The following CUX1 variants were observed in gnomAD, a reference collection of about 807,000 sequenced individuals.
CUX1 encodes the protein protein CASP.
A neutral mutation model predicts 158.8 loss-of-function variants in CUX1; 31 were observed. The ratio of observed to expected loss-of-function variants is 0.20; its 90% CI spans 0.15 to 0.26. CUX1 has a LOEUF of 0.26. Among genes scored for constraint, CUX1 ranks in the 10% least tolerant of loss-of-function variants. The probability of loss-of-function intolerance (pLI) is 1.00; values close to 1 mark genes in which losing one functional copy is unlikely to be tolerated. For synonymous variants in CUX1, 879 were observed against 862.1 expected (o/e 1.02, Z -0.34); for missense variants, 1,589 against 2,014.6 (o/e 0.79, Z 4.04).
At chr7:102,269,114 G>A (rs1175401317) in intron 14 of CUX1, among the ~76,000 whole-genome samples, 1 of 70,522 alleles carries the variant, frequency 1.4e-5, no homozygotes, top group African/African-American at 7.1e-5. Context: ...TTTTGTGTGG[G>A]TTTTTTTGTT....
intron 3 of CUX1, among the ~76,000 whole-genome samples, chr7:102,053,355 A>G (rs1327904152): frequency 1.3e-5 from 2 of 152,180 alleles, no homozygotes; most frequent in East Asian, 3.8e-4. Context: ...AGCACATGAG[A>G]TGTTTTGATA....
intron 3 of CUX1, among the ~76,000 whole-genome samples, chr7:102,053,898 C>T (rs1390857462): frequency 6.6e-6 from 1 of 151,398 alleles, no homozygotes; most frequent in African/African-American, 2.4e-5. Flanking sequence ...CTGTGCCTCC[C>T]AGGTTTGAGC....
chr7:102,185,971 G>A lies in CUX1; in HGVS notation c.1018-3842G>A, dbSNP rs559423277. Among the ~76,000 whole-genome samples the A allele has an allele frequency of 1.4e-4, 22 of 152,272 alleles. No homozygotes were observed. The East Asian group carries it at 1.9e-3, about 13-fold the overall frequency. ...AGCGTATGAAATGCTAGGAATAAGC[G>A]CAGGTCTAGCATACCACGCGGCCAG... On this transcript the variant is annotated intron_variant, in intron 11 of 23. Transcript: ENST00000292535.
rs753731049 is a variant in CUX1, at chr7:101,916,123, C to T, written c.39C>T (p.Leu13=). The T allele has an allele frequency of 8.1e-6, 13 of 1,612,150 alleles. No homozygotes were observed. The highest frequency in any genetic ancestry group is 1.1e-5 in the South Asian group (1 of 91,028). The change falls in exon 2 of 24, where the codon CTC becomes CTT. Residue 13 remains leucine, a synonymous_variant. Coordinates refer to ENST00000292535, the MANE Select transcript of CUX1 (RefSeq NM_181552.4). This position sits in a 1 kb window ranked among gnomAD's most constrained non-coding sequence, Gnocchi z 4.4. ...TCCTGTTTCCCCAACAGAGAGAACT[C>T]GATGCCACCGCAACGGTATTGGCGA... The part of the protein sequence containing the change: ...CVAGARLKRE[L]DATATVLANR...
At chr7:101,941,380 G>T (rs913874808) in intron 2 of CUX1, among the ~76,000 whole-genome samples, 12 of 152,216 alleles carry the variant, frequency 7.9e-5, no homozygotes, top group African/African-American at 2.9e-4. Context: ...TCCTTTGCGG[G>T]TCTGCTTAGC....
chr7:102,109,199 C>T (rs1830655467), intron 6 of CUX1, among the ~76,000 whole-genome samples: 1 of 152,052 alleles, frequency 6.6e-6, no homozygotes, highest in Non-Finnish European at 1.5e-5. Flanking sequence ...ATTTTAAAAA[C>T]ATCAACAAAC....
intron 3 of CUX1, among the ~76,000 whole-genome samples, chr7:102,036,243 A>C (rs1254209799): frequency 6.6e-6 from 1 of 152,060 alleles, no homozygotes; most frequent in Non-Finnish European, 1.5e-5. Context: ...GTCATGAGCC[A>C]CCGAGCCCGG....
At chr7:102,007,758 T>G (rs573172333) in intron 2 of CUX1, among the ~76,000 whole-genome samples, 13 of 151,766 alleles carry the variant, frequency 8.6e-5, no homozygotes, top group African/African-American at 2.7e-4. Flanking sequence ...GTTTTGTTTT[T>G]TTTGAGATAG....
At chr7:101,833,641 C>A (rs893498445) in intron 1 of CUX1, among the ~76,000 whole-genome samples, 1 of 147,338 alleles carries the variant, frequency 6.8e-6, no homozygotes, top group African/African-American at 2.5e-5. Context: ...CACCTCGGGG[C>A]GTGGGAGAGC....
intron 23 of CUX1, among the ~76,000 whole-genome samples, chr7:102,245,036 ATTTTGG>A (rs1223047846): frequency 2.0e-5 from 3 of 151,914 alleles, no homozygotes; most frequent in South Asian, 2.1e-4. Flanking sequence ...TTGTTTTCTG[ATTTTGG>A]TTTTGGTTTT....
At chr7:102,009,841 T>C (rs1258430944) in intron 2 of CUX1, among the ~76,000 whole-genome samples, 1 of 152,264 alleles carries the variant, frequency 6.6e-6, no homozygotes, top group Non-Finnish European at 1.5e-5. Flanking sequence ...AACATTCCTT[T>C]TGTGCTGCCT....
At chr7:101,949,346 A>G (rs1211408428) in intron 2 of CUX1, among the ~76,000 whole-genome samples, 1 of 151,848 alleles carries the variant, frequency 6.6e-6, no homozygotes, top group Non-Finnish European at 1.5e-5. Context: ...TAGCCAGGAT[A>G]GTCTCGATCT....
intron 9 of CUX1, chr7:102,161,349 A>G (rs1357035599): frequency 1.3e-5 from 2 of 152,122 alleles, no homozygotes; most frequent in Non-Finnish European, 2.9e-5. Context: ...CCCTATCTCA[A>G]AAAAAATAAA....
At chr7:101,981,682 G>A (rs531543087) in intron 2 of CUX1, among the ~76,000 whole-genome samples, 1 of 151,784 alleles carries the variant, frequency 6.6e-6, no homozygotes, top group East Asian at 1.9e-4. Flanking sequence ...GTGCGATCTC[G>A]GCTCTGCAAC....
At chr7:101,823,704 TA>T (rs1792940032) in intron 1 of CUX1, among the ~76,000 whole-genome samples, 1 of 152,232 alleles carries the variant, frequency 6.6e-6, no homozygotes, top group Non-Finnish European at 1.5e-5. Flanking sequence ...GAAATGCAGT[TA>T]ACATTTTTTT....
intron 11 of CUX1, among the ~76,000 whole-genome samples, chr7:102,180,197 A>G (rs1188587473): frequency 6.6e-6 from 1 of 151,162 alleles, no homozygotes; most frequent in Non-Finnish European, 1.5e-5. Flanking sequence ...TAACTTTTAT[A>G]TTTTTAGTAG....
At chr7:101,917,115 G>T (rs111419249) in intron 2 of CUX1, among the ~76,000 whole-genome samples, 6 of 152,320 alleles carry the variant, frequency 3.9e-5, no homozygotes, top group African/African-American at 1.4e-4. Flanking sequence ...AATCTTCTCC[G>T]TATCGTAGCT....
chr7:102,013,424 AT>A (rs1818261460), intron 2 of CUX1, among the ~76,000 whole-genome samples: 1 of 152,186 alleles, frequency 6.6e-6, no homozygotes, highest in Non-Finnish European at 1.5e-5. Flanking sequence ...TCTTTCCTAA[AT>A]TGTTTCATTA....
rs1196413128 is a variant in CUX1 at position 102,249,145 on chromosome 7, G to A, written c.*103G>A. On this transcript the variant is annotated 3_prime_UTR_variant, in exon 24 of 24. Coordinates refer to ENST00000292535, the MANE Select transcript of CUX1 (RefSeq NM_181552.4). Reference sequence around the variant, plus strand: ...ACACCGTGGCCTGGGCTTGGCCCGCGGCCTGCACCGACCCCGGGCCGGACC... The same window carrying A: ...ACACCGTGGCCTGGGCTTGGCCCGCAGCCTGCACCGACCCCGGGCCGGACC... 4.3e-6 allele frequency: 5 copies of A among 1,157,430 alleles called. No individual in the cohort carries two copies. Among genetic ancestry groups the A allele is most frequent in the African/African-American group, 3.3e-5 (2 of 61,060 alleles). 71.7% of individuals were successfully genotyped at this position (1,157,430 alleles called of 1,614,324 possible).
Sources: allele counts gnomAD v4.1 joint callset (sites outside exome capture counted in the v4.1 genomes callset), GRCh38; gene constraint gnomAD v4.1.1; non-coding constraint Gnocchi (gnomAD v3.1); transcripts MANE v1.5; gene names NCBI Gene and HGNC (gene_info 2026-07-23, HGNC 2026-07-21).